The following ADAM20 variants were observed in gnomAD, a reference collection of about 807,000 sequenced individuals.
ADAM20 encodes ADAM metallopeptidase domain 20.
For missense variants in ADAM20, 871 were observed against 883.2 expected, an observed-to-expected ratio of 0.99 and a Z score of 0.18; for synonymous variants, 305 against 310.2, an observed-to-expected ratio of 0.98 and a Z score of 0.18.
At chr14:70,563,184 G>T in the ADAM20 span, among the ~76,000 whole-genome samples, 18 of 152,228 alleles carry the variant, frequency 1.2e-4, no homozygotes, top group Middle Eastern at 3.4e-3. Flanking sequence ...CCAGGTCTAA[G>T]TCACACACCC....
chr14:70,528,726 T>C (rs1022046196), intron 1 of ADAM20, among the ~76,000 whole-genome samples: 2 of 152,144 alleles, frequency 1.3e-5, no homozygotes, highest in African/African-American at 2.4e-5. Context: ...ACACAGTAGA[T>C]GATGCTATCA....
the ADAM20 span, among the ~76,000 whole-genome samples, chr14:70,578,162 ACTT>A: frequency 6.6e-6 from 1 of 152,146 alleles, no homozygotes; most frequent in African/African-American, 2.4e-5. Flanking sequence ...ATATAAAAGA[ACTT>A]CTACAATTCA....
chr14:70,566,277 T>C, the ADAM20 span, among the ~76,000 whole-genome samples: 3 of 152,188 alleles, frequency 2.0e-5, no homozygotes, highest in African/African-American at 7.2e-5. Flanking sequence ...ATTTAAGATG[T>C]AAATTGTGAC....
At chr14:70,574,752 A>G in the ADAM20 span, among the ~76,000 whole-genome samples, 3 of 152,228 alleles carry the variant, frequency 2.0e-5, no homozygotes, top group South Asian at 2.1e-4. Context: ...AAGAAACAAC[A>G]AAGATCAGGG....
At chr14:70,573,284 C>T in the ADAM20 span, among the ~76,000 whole-genome samples, 4 of 152,134 alleles carry the variant, frequency 2.6e-5, no homozygotes, top group African/African-American at 9.7e-5. Context: ...TTTGGAGCAA[C>T]ATGAATGCAG....
chr14:70,554,749 AGGAGGAAATG>A, the ADAM20 span, among the ~76,000 whole-genome samples: 181 of 152,330 alleles, frequency 1.2e-3, no homozygotes, highest in African/African-American at 4.1e-3. Context: ...AGCTAGGGGT[AGGAGGAAATG>A]GGAAGACATT....
chr14:70,574,352 T>C, the ADAM20 span, among the ~76,000 whole-genome samples: 1 of 152,104 alleles, frequency 6.6e-6, no homozygotes, highest in Non-Finnish European at 1.5e-5. Flanking sequence ...TATGCTACAT[T>C]AAGAAAGAAG....
At chr14:70,571,272 T>C in the ADAM20 span, among the ~76,000 whole-genome samples, 2 of 152,104 alleles carry the variant, frequency 1.3e-5, no homozygotes, top group African/African-American at 4.8e-5. Context: ...ACAATCCCCA[T>C]GTGGTGTGGG....
Position 70,524,583 on chromosome 14 carries a change from C to T in ADAM20, c.175G>A (p.Gly59Arg). 1 of 1,614,008 alleles carries T rather than the reference C, an allele frequency of 6.2e-7. No homozygotes were observed. The change falls in exon 2 of 2, where the codon GGA (glycine) becomes AGA (arginine). Residue 59 changes from glycine (G) to arginine (R), a missense_variant. Physicochemically the swap from Gly to Arg is moderately radical, Grantham distance 125 (BLOSUM62 -2). Coordinates refer to ENST00000256389, the MANE Select transcript of ADAM20 (RefSeq NM_003814.5). ...ISRGRGAKAP[G>R]WLSYSLRFGG... is the part of the protein sequence containing the mutation. ...AACCGCAGGCTATAGGAGAGCCATC[C>T]AGGAGCCTTTGCACCTCTGCCCCTG...
At chr14:70,533,425 AAAG>A (rs1883756771) in intron 1 of ADAM20, among the ~76,000 whole-genome samples, 1 of 152,220 alleles carries the variant, frequency 6.6e-6, no homozygotes, top group Admixed American at 6.5e-5. Context: ...CAGCCATAAA[AAAG>A]AATGAGTTTA....
chr14:70,577,325 G>A, the ADAM20 span, among the ~76,000 whole-genome samples: 1 of 152,150 alleles, frequency 6.6e-6, no homozygotes, highest in Admixed American at 6.5e-5. Context: ...ACATTTGGAT[G>A]AAAATGAAAA....
At chr14:70,536,465 CA>C (rs56738784), upstream of ADAM20, among the ~76,000 whole-genome samples, 669 of 42,920 alleles carry the variant, frequency 0.016, no homozygotes, top group South Asian at 0.027. Flanking sequence ...AACTCTGTCT[CA>C]AAAAAAAAAA....
chr14:70,559,682 C>A, the ADAM20 span, among the ~76,000 whole-genome samples: 1 of 152,196 alleles, frequency 6.6e-6, no homozygotes. Context: ...TAATTCATGT[C>A]CTATTTATTC....
upstream of ADAM20, among the ~76,000 whole-genome samples, chr14:70,536,417 G>A (rs1883832892): frequency 8.4e-6 from 1 of 119,476 alleles, no homozygotes; most frequent in South Asian, 2.9e-4. Flanking sequence ...GGTGAGCCTA[G>A]ATCACAACAT....
At chr14:70,577,608 T>C in the ADAM20 span, among the ~76,000 whole-genome samples, 1 of 152,048 alleles carries the variant, frequency 6.6e-6, no homozygotes, top group Non-Finnish European at 1.5e-5. Context: ...ATTTGAAACA[T>C]AACAAAATTG....
At chr14:70,569,945 A>C in the ADAM20 span, among the ~76,000 whole-genome samples, 1 of 151,216 alleles carries the variant, frequency 6.6e-6, no homozygotes, top group Admixed American at 6.6e-5. Flanking sequence ...CTCTTGACCA[A>C]AAGTACCTAA....
rs1023497640 is a variant in ADAM20 at position 70,522,655 on chromosome 14, A to C, written c.2103T>G (p.Pro701=). 3 of 1,613,932 alleles carry C rather than the reference A, an allele frequency of 1.9e-6. No individual in the cohort carries two copies. The highest frequency in any genetic ancestry group is 1.3e-5 in the African/African-American group (1 of 75,026). Residue 701 remains proline, a synonymous_variant, in exon 2 of 2, where the codon CCT becomes CCG. Coordinates refer to ENST00000256389, the MANE Select transcript of ADAM20 (RefSeq NM_003814.5). ...AGCAAAATAATAAAAAAGCAACCAA[A>C]GGAAGAAGGCACAATAGTGACAGGT... The part of the protein sequence containing the change: ...LRYLSLLCLL[P]LVAFLLFCLH...
the ADAM20 span, among the ~76,000 whole-genome samples, chr14:70,572,191 A>G: frequency 2.0e-5 from 3 of 152,172 alleles, no homozygotes; most frequent in African/African-American, 7.2e-5. Flanking sequence ...AAACAAAAAT[A>G]AAGCTGGAGA....
intron 1 of ADAM20, among the ~76,000 whole-genome samples, chr14:70,534,543 T>C (rs1883789863): frequency 6.6e-6 from 1 of 152,194 alleles, no homozygotes; most frequent in Non-Finnish European, 1.5e-5. Flanking sequence ...TTGAGAATTT[T>C]ATACTAAGTG....
Sources: allele counts gnomAD v4.1 joint callset (sites outside exome capture counted in the v4.1 genomes callset), GRCh38; gene constraint gnomAD v4.1.1; transcripts MANE v1.5; gene names NCBI Gene and HGNC (gene_info 2026-07-23, HGNC 2026-07-21).